Variants in MKLN1 observed in about 807,000 individuals in gnomAD.
MKLN1 encodes muskelin 1.
Under a neutral mutation model 99.0 loss-of-function variants are expected in MKLN1, and 18 were observed. That is an observed-to-expected ratio of 0.18 (90% CI 0.13 to 0.27). The LOEUF (loss-of-function observed/expected upper bound fraction) is 0.27. Ranked by LOEUF, MKLN1 falls within the 10% of genes least tolerant of loss-of-function variation. MKLN1 has a pLI of 1.00. For synonymous variants in MKLN1, 288 were observed against 293.2 expected (o/e 0.98, Z 0.18); for missense variants, 621 against 875.9 (o/e 0.71, Z 3.67).
At chr7:131,282,075 C>T (rs1034220004) in intron 3 of MKLN1, among the ~76,000 whole-genome samples, 3 of 152,138 alleles carry the variant, frequency 2.0e-5, no homozygotes, top group African/African-American at 4.8e-5. Context: ...ATGGGCTGGG[C>T]ATGGTGGCTC....
chr7:131,120,282 T>C (rs1795343765), intron 1 of MKLN1, among the ~76,000 whole-genome samples: 1 of 151,618 alleles, frequency 6.6e-6, no homozygotes, highest in Admixed American at 6.6e-5. Flanking sequence ...TCCCAGCACT[T>C]TGGGAGGCCG....
At chr7:131,210,384 T>A (rs1026027176) in intron 3 of MKLN1, among the ~76,000 whole-genome samples, 1 of 151,574 alleles carries the variant, frequency 6.6e-6, no homozygotes. Flanking sequence ...ATACAAAAAA[T>A]TAGCAGGCGT....
intron 3 of MKLN1, among the ~76,000 whole-genome samples, chr7:131,302,220 T>C (rs1267264142): frequency 6.6e-6 from 1 of 152,210 alleles, no homozygotes; most frequent in Non-Finnish European, 1.5e-5. Flanking sequence ...GACTACTCCA[T>C]TGTGAGCTCC....
At chr7:131,465,984 T>C (rs1796650899) in intron 14 of MKLN1, among the ~76,000 whole-genome samples, 1 of 152,230 alleles carries the variant, frequency 6.6e-6, no homozygotes, top group Non-Finnish European at 1.5e-5. Context: ...CAGCAAATAA[T>C]ATCTTGGATT....
At position 131,129,514 on chromosome 7, in the gene MKLN1, C is replaced by T. The variant is rs1369818880; in HGVS notation, c.-418-13306C>T. On this transcript the variant is annotated intron_variant, in intron 1 of 7. Transcript: ENST00000416992. Reference sequence around the variant, plus strand: ...ATTTTGTGTATTCCCATGATGAAATCTATGTATCCAATAAAAAGCAGGTTA... The same window carrying T: ...ATTTTGTGTATTCCCATGATGAAATTTATGTATCCAATAAAAAGCAGGTTA... Among the ~76,000 whole-genome samples the T allele has an allele frequency of 2.6e-5, 4 of 152,128 alleles. No individual in the cohort carries two copies. The East Asian group carries it at 7.7e-4, about 29-fold the overall frequency.
chr7:131,399,528 A>AT (rs560176377), intron 6 of MKLN1, 95 bp downstream of exon 6: 14 of 1,081,134 alleles, frequency 1.3e-5, no homozygotes, highest in Non-Finnish European at 1.7e-5. Flanking sequence ...TATTACTGTA[A>AT]TTTTTTTTCT....
At chr7:131,122,058 C>A (rs536252931) in intron 1 of MKLN1, among the ~76,000 whole-genome samples, 252 of 152,338 alleles carry the variant, frequency 1.7e-3, no homozygotes, top group Non-Finnish European at 3.0e-3. Flanking sequence ...TAATTTGTTT[C>A]TCTCGTAAGC....
chr7:131,184,071 C>T (rs1050448419), intron 2 of MKLN1, among the ~76,000 whole-genome samples: 2 of 151,740 alleles, frequency 1.3e-5, no homozygotes, highest in African/African-American at 4.8e-5. Flanking sequence ...CACATTTGTT[C>T]TCTACTCAGA....
intron 1 of MKLN1, among the ~76,000 whole-genome samples, chr7:131,343,714 A>C (rs910017112): frequency 6.6e-6 from 1 of 152,096 alleles, no homozygotes; most frequent in African/African-American, 2.4e-5. Flanking sequence ...ATTTTATTTT[A>C]CTCTTTTGAG....
intron 10 of MKLN1, among the ~76,000 whole-genome samples, chr7:131,441,009 T>G (rs922463998): frequency 6.6e-6 from 1 of 152,180 alleles, no homozygotes; most frequent in African/African-American, 2.4e-5. Context: ...CTACTTTCAG[T>G]GCCAAGAGAT....
upstream of MKLN1, chr7:131,323,732 T>A (rs1798830720): frequency 6.6e-6 from 1 of 152,154 alleles, no homozygotes; most frequent in African/African-American, 2.4e-5. Context: ...GATCAAAGTG[T>A]GGCATGTTTT....
At chr7:131,413,272 A>G (rs1563335673) in intron 7 of MKLN1, among the ~76,000 whole-genome samples, 1 of 152,238 alleles carries the variant, frequency 6.6e-6, no homozygotes, top group Non-Finnish European at 1.5e-5. Context: ...GCCGCTGAAT[A>G]CAGTAGTAAT....
chr7:131,357,432 G>C (rs1799915065), intron 1 of MKLN1, among the ~76,000 whole-genome samples: 1 of 152,106 alleles, frequency 6.6e-6, no homozygotes, highest in Non-Finnish European at 1.5e-5. Context: ...ACTGTACTTT[G>C]GAAAGAAGCC....
chr7:131,115,051 C>G (rs747442626), intron 1 of MKLN1, among the ~76,000 whole-genome samples: 1 of 151,902 alleles, frequency 6.6e-6, no homozygotes, highest in Non-Finnish European at 1.5e-5. Context: ...GGGATAGTAG[C>G]CAAACTGCAG....
chr7:131,118,510 G>A (rs929438749), intron 1 of MKLN1, among the ~76,000 whole-genome samples: 8 of 151,148 alleles, frequency 5.3e-5, no homozygotes, highest in African/African-American at 9.7e-5. Flanking sequence ...CCAAGATGGC[G>A]TCATTGCACT....
chr7:131,119,875 C>A (rs1795334500), intron 1 of MKLN1, among the ~76,000 whole-genome samples: 1 of 152,310 alleles, frequency 6.6e-6, no homozygotes, highest in East Asian at 1.9e-4. Context: ...GCCTTAAATT[C>A]CTCCTCAGAA....
At chr7:131,241,398 G>GAAAAAAAA (rs67546678) in intron 3 of MKLN1, among the ~76,000 whole-genome samples, 2 of 141,808 alleles carry the variant, frequency 1.4e-5, no homozygotes, top group Non-Finnish European at 3.0e-5. Context: ...AAAGAAAAAA[G>GAAAAAAAA]AAAAAAAAAA....
At chr7:131,185,580 A>G (rs1796438187) in intron 2 of MKLN1, among the ~76,000 whole-genome samples, 1 of 151,940 alleles carries the variant, frequency 6.6e-6, no homozygotes, top group Non-Finnish European at 1.5e-5. Flanking sequence ...TCCATCTCAA[A>G]AAAAAATAAA....
At chr7:131,331,119 T>C (rs1799061100) in intron 1 of MKLN1, among the ~76,000 whole-genome samples, 3 of 152,218 alleles carry the variant, frequency 2.0e-5, no homozygotes, top group South Asian at 4.1e-4. Context: ...GCACCTAATA[T>C]ATGCAAGATG....
Sources: gnomAD v4.1 joint callset for allele counts (sites outside exome capture counted in the v4.1 genomes callset) on GRCh38, gnomAD v4.1.1 for gene constraint, MANE v1.5 for transcripts, NCBI Gene and HGNC (gene_info 2026-07-23, HGNC 2026-07-21) for gene names.